DCLK1: variants seen among roughly 807,000 people sequenced by gnomAD.
DCLK1 encodes doublecortin like kinase 1, also known as serine/threonine-protein kinase DCLK1.
In DCLK1, 16 loss-of-function variants were observed where a neutral mutation model predicts 86.2. The ratio of observed to expected loss-of-function variants is 0.19; its 90% CI spans 0.13 to 0.28. The LOEUF (loss-of-function observed/expected upper bound fraction) is 0.28, where lower values mean the gene tolerates loss of function less well. DCLK1 is among the 10% of genes least tolerant of loss of function. The pLI is 1.00. For missense variants in DCLK1, 590 were observed against 940.2 expected (o/e 0.63, Z 4.87); for synonymous variants, 369 against 370.5 (o/e 1.00, Z 0.05).
chr13:35,854,863 T>C (rs1870935260), intron 5 of DCLK1, among the ~76,000 whole-genome samples: 1 of 152,220 alleles, frequency 6.6e-6, no homozygotes, highest in Non-Finnish European at 1.5e-5. Flanking sequence ...GTATTAATGA[T>C]GTCTTTAACT....
chr13:36,085,974 G>A (rs768692553), intron 3 of DCLK1, among the ~76,000 whole-genome samples: 1 of 152,146 alleles, frequency 6.6e-6, no homozygotes, highest in Non-Finnish European at 1.5e-5. Context: ...TTACTTCTGT[G>A]AAGAAATCTT....
intron 3 of DCLK1, among the ~76,000 whole-genome samples, chr13:36,067,848 T>G (rs1300343056): frequency 6.6e-6 from 1 of 152,262 alleles, no homozygotes; most frequent in East Asian, 1.9e-4. Context: ...AAAATCACTA[T>G]GCTAAATGAG....
intron 15 of DCLK1, among the ~76,000 whole-genome samples, chr13:35,797,877 T>TTA (rs2086844088): frequency 6.6e-6 from 1 of 152,050 alleles, no homozygotes; most frequent in Non-Finnish European, 1.5e-5. Context: ...AAACATAAAT[T>TTA]TATATATATA....
chr13:36,023,181 G>A (rs1461540892), intron 3 of DCLK1, among the ~76,000 whole-genome samples: 1 of 152,168 alleles, frequency 6.6e-6, no homozygotes, highest in Non-Finnish European at 1.5e-5. Flanking sequence ...ATAGATAGTT[G>A]GTTCAACAGA....
chr13:35,985,393 A>AAC (rs1297913173), intron 3 of DCLK1, among the ~76,000 whole-genome samples: 1 of 95,114 alleles, frequency 1.1e-5, no homozygotes, highest in Non-Finnish European at 2.4e-5. Context: ...CAAACAAACA[A>AAC]AAAAAAAAAA....
In DCLK1 at chr13:36,131,373, G is replaced by GGGCGGC. The variant is rs965603869; in HGVS notation, c.-285_-280dup. 1.8e-3 allele frequency: 348 copies of GGGCGGC among 195,034 alleles called. No individual in the cohort carries two copies. Among genetic ancestry groups the GGGCGGC allele is most frequent in the Middle Eastern group, 4.5e-3 (2 of 444 alleles). The allele number at this position is 195,034 out of a possible 1,614,324, so 12.1% of individuals were successfully genotyped here. On this transcript the variant is annotated 5_prime_UTR_variant, in exon 1 of 17. Transcript: ENST00000360631. Reference sequence around the variant, plus strand: ...CACTCCAGCCTCTCTCTCCAGAGGAGGGCGGCGGCGGCGGCGGCGGCGGGC... The same window carrying GGGCGGC: ...CACTCCAGCCTCTCTCTCCAGAGGAGGGCGGCGGCGGCGGCGGCGGCGGCGGCGGGC...
intron 15 of DCLK1, among the ~76,000 whole-genome samples, chr13:35,795,236 G>A (rs79876999): frequency 0.049 from 7,512 of 152,230 alleles, 537 homozygotes; most frequent in African/African-American, 0.15. Context: ...TTTGGTGTGC[G>A]GTGTGTGCAA....
At chr13:36,053,078 A>C (rs967059686) in intron 3 of DCLK1, among the ~76,000 whole-genome samples, 1 of 152,150 alleles carries the variant, frequency 6.6e-6, no homozygotes, top group Admixed American at 6.6e-5. Context: ...ATTTCCTCCA[A>C]ATTCTGTTAG....
chr13:36,034,036 A>G (rs1882393355), intron 3 of DCLK1, among the ~76,000 whole-genome samples: 2 of 152,166 alleles, frequency 1.3e-5, no homozygotes, highest in African/African-American at 4.8e-5. Context: ...TATAAGAAAC[A>G]CCATAGAAAA....
chr13:36,045,377 T>TATATATATCTATATATCTATATATAC (rs568110221), intron 3 of DCLK1, among the ~76,000 whole-genome samples: 4 of 125,060 alleles, frequency 3.2e-5, no homozygotes, highest in East Asian at 2.6e-4. Flanking sequence ...TATATATATA[T>TATATATATCTATATATCTATATATAC]TTCAAGGTAA....
intron 11 of DCLK1, among the ~76,000 whole-genome samples, chr13:35,821,688 ATATG>A (rs2087397927): frequency 6.8e-6 from 1 of 147,100 alleles, no homozygotes; most frequent in African/African-American, 2.5e-5. Context: ...ATATATATAT[ATATG>A]CACAGTATAT....
chr13:35,978,811 A>G (rs2153141158), intron 3 of DCLK1, among the ~76,000 whole-genome samples: 1 of 152,312 alleles, frequency 6.6e-6, no homozygotes, highest in African/African-American at 2.4e-5. Context: ...ACACAAAGAT[A>G]TTACAAAATG....
chr13:35,800,638 G>A (rs542955706), intron 15 of DCLK1, among the ~76,000 whole-genome samples: 8 of 152,254 alleles, frequency 5.3e-5, no homozygotes, highest in Non-Finnish European at 8.8e-5. Context: ...TGACTTTTGC[G>A]GAGTAGGTTT....
intron 3 of DCLK1, among the ~76,000 whole-genome samples, chr13:36,062,853 A>G (rs904930581): frequency 4.6e-5 from 7 of 152,204 alleles, no homozygotes; most frequent in Admixed American, 4.6e-4. Flanking sequence ...CAACTTGACA[A>G]TATGTTCAGG....
At chr13:35,870,391 G>T (rs1309254159) in intron 5 of DCLK1, among the ~76,000 whole-genome samples, 2 of 152,080 alleles carry the variant, frequency 1.3e-5, no homozygotes, top group Non-Finnish European at 2.9e-5. Context: ...TCAGCCGAGA[G>T]CTCTTTTCAC....
intron 4 of DCLK1, among the ~76,000 whole-genome samples, chr13:35,880,907 A>G (rs566917194): frequency 1.1e-4 from 16 of 152,326 alleles, no homozygotes; most frequent in African/African-American, 3.8e-4. Flanking sequence ...TCAGTGAGAG[A>G]TTTGAATAAA....
chr13:35,821,024 C>T (rs1593625907), intron 11 of DCLK1, among the ~76,000 whole-genome samples: 1 of 152,216 alleles, frequency 6.6e-6, no homozygotes, highest in African/African-American at 2.4e-5. Flanking sequence ...ACTCAGTTAA[C>T]CTCTCCTTAA....
At chr13:35,853,159 C>CA (rs1870779479) in intron 6 of DCLK1, among the ~76,000 whole-genome samples, 1 of 152,120 alleles carries the variant, frequency 6.6e-6, no homozygotes, top group Non-Finnish European at 1.5e-5. Flanking sequence ...ACAAATGATT[C>CA]CAACACCTTA....
chr13:36,110,659 T>A (rs1885578889), intron 3 of DCLK1, among the ~76,000 whole-genome samples: 1 of 152,132 alleles, frequency 6.6e-6, no homozygotes, highest in African/African-American at 2.4e-5. Context: ...TTAATTTTAA[T>A]ATTTACTATA....
Sources: allele counts gnomAD v4.1 joint callset (sites outside exome capture counted in the v4.1 genomes callset), GRCh38; gene constraint gnomAD v4.1.1; transcripts MANE v1.5; gene names NCBI Gene and HGNC (gene_info 2026-07-23, HGNC 2026-07-21).